The following CCBE1 variants were observed in gnomAD, a reference collection of about 807,000 sequenced individuals.
The protein encoded by CCBE1 is collagen and calcium binding EGF domains 1.
Under a neutral mutation model 50.0 loss-of-function variants are expected in CCBE1, and 37 were observed. The observed-to-expected ratio is 0.74, with a 90% confidence interval of 0.57 to 0.97. CCBE1 has a LOEUF of 0.97. Among genes scored for constraint, CCBE1 ranks in the 50% least tolerant of loss-of-function variants. The pLI is 0.00. For missense variants in CCBE1, 538 were observed against 523.8 expected (o/e 1.03, Z -0.26); for synonymous variants, 234 against 203.7 (o/e 1.15, Z -1.27).
chr18:59,690,246 A>G (rs968319618), intron 2 of CCBE1, among the ~76,000 whole-genome samples: 1 of 152,220 alleles, frequency 6.6e-6, no homozygotes, highest in Non-Finnish European at 1.5e-5. Flanking sequence ...AAATTAGTCA[A>G]TAGCTAATTA....
intron 2 of CCBE1, among the ~76,000 whole-genome samples, chr18:59,492,647 T>C (rs1913166871): frequency 1.3e-5 from 2 of 152,206 alleles, no homozygotes; most frequent in Admixed American, 1.3e-4. Flanking sequence ...GAAACCTGTA[T>C]CCGTGACACC....
chr18:59,560,582 G>A (rs141774485), intron 2 of CCBE1, among the ~76,000 whole-genome samples: 6 of 152,196 alleles, frequency 3.9e-5, no homozygotes, highest in Non-Finnish European at 5.9e-5. Context: ...AAACCTGCAC[G>A]TTCTGCACAC....
At chr18:59,490,615 A>C (rs1913054656) in intron 2 of CCBE1, among the ~76,000 whole-genome samples, 2 of 152,190 alleles carry the variant, frequency 1.3e-5, no homozygotes, top group Non-Finnish European at 2.9e-5. Context: ...TGTCTGCGCC[A>C]ATCACGATTC....
intron 2 of CCBE1, among the ~76,000 whole-genome samples, chr18:59,611,320 CCTTT>C (rs1164791621): frequency 5.3e-5 from 8 of 152,218 alleles, no homozygotes; most frequent in African/African-American, 1.9e-4. Flanking sequence ...GTGTACATAG[CCTTT>C]CTTTATGAGC....
chr18:59,489,345 G>T (rs1912978499), intron 2 of CCBE1, among the ~76,000 whole-genome samples: 1 of 152,220 alleles, frequency 6.6e-6, no homozygotes. Flanking sequence ...ACACTCAGAT[G>T]GCCAGAGCCC....
intron 2 of CCBE1, among the ~76,000 whole-genome samples, chr18:59,633,918 T>C (rs1227227098): frequency 6.6e-6 from 1 of 152,150 alleles, no homozygotes; most frequent in Non-Finnish European, 1.5e-5. Context: ...AAATTATAGA[T>C]ACATATGTGT....
intron 2 of CCBE1, among the ~76,000 whole-genome samples, chr18:59,624,426 G>A (rs1398004263): frequency 6.6e-6 from 1 of 152,174 alleles, no homozygotes; most frequent in Non-Finnish European, 1.5e-5. Context: ...ATAGATTTAT[G>A]TTTTTTAAAG....
intron 2 of CCBE1, among the ~76,000 whole-genome samples, chr18:59,611,462 G>A (rs1175656896): frequency 6.6e-6 from 1 of 152,124 alleles, no homozygotes; most frequent in East Asian, 1.9e-4. Context: ...AGCATTTTTC[G>A]GGCCAGGCAC....
chr18:59,663,930 G>A (rs2054319417), intron 2 of CCBE1, among the ~76,000 whole-genome samples: 1 of 152,132 alleles, frequency 6.6e-6, no homozygotes, highest in African/African-American at 2.4e-5. Context: ...AACAACAGCA[G>A]GAGAAATAAG....
chr18:59,477,781 T>C (rs1472244870), intron 3 of CCBE1, among the ~76,000 whole-genome samples: 1 of 152,204 alleles, frequency 6.6e-6, no homozygotes, highest in Non-Finnish European at 1.5e-5. Context: ...GCAGCATAGT[T>C]GCAGCATGTC....
intron 2 of CCBE1, among the ~76,000 whole-genome samples, chr18:59,559,758 A>G (rs965828205): frequency 6.6e-6 from 1 of 152,226 alleles, no homozygotes; most frequent in Non-Finnish European, 1.5e-5. Flanking sequence ...AGTGGAAGTG[A>G]AACCTGTGTC....
chr18:59,504,625 G>C (rs1002683158), intron 2 of CCBE1, among the ~76,000 whole-genome samples: 1 of 152,088 alleles, frequency 6.6e-6, no homozygotes, highest in African/African-American at 2.4e-5. Flanking sequence ...ATAAATAAGT[G>C]ACCAACAAAT....
rs553226830 is a variant in CCBE1, at chr18:59,434,870, T to C, written c.*1038A>G. ...CAAGGAGAAAAAATTTACCTACCGC[T>C]GCTGATGGCATTAGTGAGGTCAGCC... On this transcript the variant is annotated 3_prime_UTR_variant, in exon 11 of 11. Transcript: ENST00000439986. The C allele has an allele frequency of 2.6e-5, 4 of 152,204 alleles. No individual in the cohort carries two copies. The highest frequency in any genetic ancestry group is 9.7e-5 in the African/African-American group (4 of 41,440). The allele number at this position is 152,204 out of a possible 1,614,324, so 9.4% of individuals were successfully genotyped here. A position where few individuals can be genotyped will look rare whatever the true frequency, so the allele number is the denominator to read the frequency against.
chr18:59,631,914 A>G (rs2053854048), intron 2 of CCBE1, among the ~76,000 whole-genome samples: 1 of 152,190 alleles, frequency 6.6e-6, no homozygotes, highest in Admixed American at 6.5e-5. Flanking sequence ...AAAACCTAGA[A>G]AAGTCAACCA....
At chr18:59,503,632 T>TA (rs1393652242) in intron 2 of CCBE1, among the ~76,000 whole-genome samples, 1 of 152,250 alleles carries the variant, frequency 6.6e-6, no homozygotes, top group Non-Finnish European at 1.5e-5. Context: ...TATGGCTTCC[T>TA]AATTTACTTT....
chr18:59,536,165 C>T (rs1259020293), intron 2 of CCBE1, among the ~76,000 whole-genome samples: 1 of 152,214 alleles, frequency 6.6e-6, no homozygotes, highest in Non-Finnish European at 1.5e-5. Flanking sequence ...ATAGGAATCT[C>T]AATTCTAGCT....
chr18:59,493,428 C>A (rs896687318), intron 2 of CCBE1, among the ~76,000 whole-genome samples: 12 of 152,164 alleles, frequency 7.9e-5, no homozygotes, highest in Non-Finnish European at 1.6e-4. Context: ...CCCAATATCA[C>A]AGTAAAAATT....
At chr18:59,659,982 C>T (rs1278724042) in intron 2 of CCBE1, among the ~76,000 whole-genome samples, 2 of 152,194 alleles carry the variant, frequency 1.3e-5, no homozygotes, top group African/African-American at 4.8e-5. Flanking sequence ...CTAGCTGCGT[C>T]CCTAAAGCCG....
intron 2 of CCBE1, among the ~76,000 whole-genome samples, chr18:59,564,236 G>T (rs1282716772): frequency 6.6e-6 from 1 of 152,106 alleles, no homozygotes; most frequent in Non-Finnish European, 1.5e-5. Flanking sequence ...ATATTTTATA[G>T]AAATGCATAA....
Sources: allele counts gnomAD v4.1 joint callset (sites outside exome capture counted in the v4.1 genomes callset), GRCh38; gene constraint gnomAD v4.1.1; transcripts MANE v1.5; gene names NCBI Gene and HGNC (gene_info 2026-07-23, HGNC 2026-07-21).